The following DCAF11 variants were observed in gnomAD, a reference collection of about 807,000 sequenced individuals.
The protein encoded by DCAF11 is DDB1- and CUL4-associated factor 11.
Under a neutral mutation model 76.1 loss-of-function variants are expected in DCAF11, and 44 were observed. The ratio of observed to expected loss-of-function variants is 0.58; its 90% confidence interval spans 0.45 to 0.74. DCAF11 has a LOEUF of 0.74. Among genes scored for constraint, DCAF11 ranks in the 30% least tolerant of loss-of-function variants. The pLI is 0.00. For missense variants in DCAF11, 604 were observed against 709.4 expected (o/e 0.85, Z 1.69); for synonymous variants, 258 against 255.0 (o/e 1.01, Z -0.11).
intron 12 of DCAF11, 100 bp from the exon 13 acceptor site, chr14:24,121,265 G>T (rs2037685083): frequency 6.8e-7 from 1 of 1,473,600 alleles, no homozygotes; most frequent in African/African-American, 1.4e-5. Context: ...GATTGGAAAG[G>T]CATTTGTCTC....
In DCAF11 at chr14:24,124,587, T is replaced by G. The variant is rs773482590; in HGVS notation, c.*1278T>G. ...CAGGCTTTCACAGCAAGGGTACCTA[T>G]TTCATGGCAAAATAGGCAGTTTTAA... On this transcript the variant is annotated 3_prime_UTR_variant, in exon 15 of 15. Coordinates refer to ENST00000446197, the MANE Select transcript of DCAF11 (RefSeq NM_025230.5). The G allele has an allele frequency of 3.3e-5, 5 of 152,268 alleles. No individual in the cohort carries two copies. Among genetic ancestry groups the G allele is most frequent in the African/African-American group, 4.8e-5 (2 of 41,462 alleles). 9.4% of individuals were successfully genotyped at this position (152,268 alleles called of 1,614,324 possible). A position where few individuals can be genotyped will look rare whatever the true frequency, so the allele number is the denominator to read the frequency against.
chr14:24,115,839 T>C (rs2037541553), intron 2 of DCAF11, 90 bp downstream of exon 2: 18 of 1,500,408 alleles, frequency 1.2e-5, no homozygotes, highest in Middle Eastern at 1.8e-4. Flanking sequence ...GGTTAGGAAA[T>C]GGGATTCGCT....
Position 24,121,449 on chromosome 14 carries a change from G to A in DCAF11, c.1331G>A (p.Arg444Gln), listed in dbSNP as rs1188300710. ...GTGCTGCACACCCTCATCCGCTGCCGGTTCTCCCCCATTCATAGCACTGGC... is the reference window on the plus strand; with the variant it reads ...GTGCTGCACACCCTCATCCGCTGCCAGTTCTCCCCCATTCATAGCACTGGC... ...HGVLHTLIRC[R>Q]FSPIHSTGQQ... The change falls in exon 13 of 15, where the codon CGG (arginine) becomes CAG (glutamine). Residue 444 changes from arginine (R) to glutamine (Q), a missense_variant. Physicochemically the swap from Arg to Gln is conservative, Grantham distance 43. Transcript: ENST00000446197. The A allele has an allele frequency of 8.1e-6, 13 of 1,614,146 alleles. No individual in the cohort carries two copies. The highest frequency in any genetic ancestry group is 1.1e-5 in the South Asian group (1 of 91,078).
chr14:24,115,267 C>G lies in DCAF11; in HGVS notation c.-240C>G. On this transcript the variant is annotated 5_prime_UTR_variant, in exon 1 of 15. Coordinates refer to ENST00000446197, the MANE Select transcript of DCAF11 (RefSeq NM_025230.5). The stretch of plus-strand genomic sequence containing the variant: ...ATCCAACACCGCCCAACACCCCTCC[C>G]GCTCCCCAGTCCGGGGACTTCGATA... The G allele has an allele frequency of 4.6e-6, 1 of 215,148 alleles. No individual in the cohort carries two copies. Among genetic ancestry groups the G allele is most frequent in the South Asian group, 1.1e-4 (1 of 9,292 alleles). 13.3% of individuals were successfully genotyped at this position (215,148 alleles called of 1,614,324 possible). A position where few individuals can be genotyped will look rare whatever the true frequency, so the allele number is the denominator to read the frequency against.
intron 13 of DCAF11, chr14:24,121,831 A>G (rs1366860033): frequency 1.7e-5 from 5 of 292,242 alleles, no homozygotes; most frequent in Non-Finnish European, 3.3e-5. Flanking sequence ...TGACACAGGA[A>G]GATGGTAGCA....
intron 5 of DCAF11, 31 bp from the exon 6 acceptor site, chr14:24,118,024 C>G: frequency 3.4e-6 from 5 of 1,460,654 alleles, no homozygotes; most frequent in Non-Finnish European, 4.8e-6. Flanking sequence ...CCTGAGCACC[C>G]CTCACCCTCA....
At chr14:24,118,866 C>G in intron 8 of DCAF11, 62 bp downstream of exon 8, 1 of 1,569,862 alleles carries the variant, frequency 6.4e-7, no homozygotes, top group Non-Finnish European at 8.8e-7. Context: ...TCTTTGGGAG[C>G]AAACCTCTTG....
At position 24,119,602 on chromosome 14, in the gene DCAF11, C is replaced by T. The variant is rs138449987; in HGVS notation, c.892C>T (p.Arg298Trp). 10 of 1,614,080 alleles carry T rather than the reference C, an allele frequency of 6.2e-6. No homozygotes were observed. In the Admixed American group the frequency reaches 8.3e-5, roughly 13 times the overall value. The change falls in exon 10 of 15, where the codon CGG becomes TGG. Residue 298 changes from arginine (R) to tryptophan (W), a missense_variant. Arg to Trp is a moderately radical substitution (Grantham distance 101). Coordinates refer to ENST00000446197, the MANE Select transcript of DCAF11 (RefSeq NM_025230.5). ...CLYVFDREQN[R>W]RTLQIESHED... ...GTATGTCTTTGACCGAGAACAGAAC[C>T]GGCGCACCCTTCAGGTATGGCTCCT...
At chr14:24,119,303 C>CT (rs1337463314) in intron 9 of DCAF11, 90 bp downstream of exon 9, 26 of 1,514,172 alleles carry the variant, frequency 1.7e-5, no homozygotes, top group Non-Finnish European at 2.3e-5. Flanking sequence ...GCACTGGCAG[C>CT]TGCAGAGAAC....
intron 9 of DCAF11, 139 bp downstream of exon 9, chr14:24,119,352 T>C: frequency 7.8e-7 from 1 of 1,287,064 alleles, no homozygotes; most frequent in East Asian, 2.3e-5. Flanking sequence ...TACAAGTTGC[T>C]TCACCCCTTG....
chr14:24,118,985 A>G (rs2037637969), intron 8 of DCAF11, 160 bp from the exon 9 acceptor site: 4 of 1,152,046 alleles, frequency 3.5e-6, no homozygotes, highest in Non-Finnish European at 5.1e-6. Flanking sequence ...AGATGGTTGC[A>G]GGATGATTTC....
At chr14:24,116,563 CAG>C (rs1336475855) in intron 2 of DCAF11, among the ~76,000 whole-genome samples, 1 of 152,126 alleles carries the variant, frequency 6.6e-6, no homozygotes, top group Non-Finnish European at 1.5e-5. Flanking sequence ...GGCAGAGGCT[CAG>C]AAGGAAATGC....
chr14:24,120,856 A>G lies in DCAF11; in HGVS notation c.1111A>G (p.Ile371Val). ...IDSKGDARYL[I>V]SNSKDQTIKL... is the part of the protein sequence containing the mutation. ...TTCATAGGGTGATGCCCGGTATCTGATCTCCAACTCTAAAGACCAGACCAT... is the reference window on the plus strand; with the variant it reads ...TTCATAGGGTGATGCCCGGTATCTGGTCTCCAACTCTAAAGACCAGACCAT... The change falls in exon 12 of 15, where the codon ATC (isoleucine) becomes GTC (valine). Residue 371 changes from isoleucine (I) to valine (V), a missense_variant. Coordinates refer to ENST00000446197, the MANE Select transcript of DCAF11 (RefSeq NM_025230.5). 7 of 1,614,140 alleles carry G rather than the reference A, an allele frequency of 4.3e-6. No individual in the cohort carries two copies. Among genetic ancestry groups the G allele is most frequent in the Non-Finnish European group, 5.9e-6 (7 of 1,180,020 alleles).
chr14:24,122,507 GAAAA>G (rs1411176030), intron 13 of DCAF11, among the ~76,000 whole-genome samples: 2 of 145,236 alleles, frequency 1.4e-5, no homozygotes, highest in Non-Finnish European at 3.0e-5. Flanking sequence ...AAAAAAAAAA[GAAAA>G]AGAAAAAAAA....
chr14:24,120,999 T>C lies in DCAF11; in HGVS notation c.1246+8T>C, dbSNP rs2037681209. 1.2e-5 allele frequency: 19 copies of C among 1,614,030 alleles called. No individual in the cohort carries two copies. Among genetic ancestry groups the C allele is most frequent in the Non-Finnish European group, 1.6e-5 (19 of 1,179,982 alleles). On this transcript the variant is annotated splice_region_variant and intron_variant, in intron 12 of 14. Transcript: ENST00000446197. ...AGCAAGTGCCCAAAAAAGGTGAGAC[T>C]GGAAGTACAGGCACAGTGGATTTGT...
chr14:24,118,797 G>C lies in DCAF11; in HGVS notation c.772G>C (p.Asp258His). Residue 258 changes from aspartate (D) to histidine (H), a missense_variant, in exon 8 of 15, where the codon GAT becomes CAT. Asp to His is a moderately conservative substitution (Grantham distance 81, BLOSUM62 -1). Transcript: ENST00000446197. ...TGAGGGAGATACACACACTGCCCTGGATCTCAGGTACTGGCTTCCCTTTCT... is the reference window on the plus strand; with the variant it reads ...TGAGGGAGATACACACACTGCCCTGCATCTCAGGTACTGGCTTCCCTTTCT... ...YGEGDTHTAL[D>H]LRPDERRFAV... The C allele has an allele frequency of 6.2e-7, 1 of 1,614,048 alleles. No individual in the cohort carries two copies. The highest frequency in any genetic ancestry group is 8.5e-7 in the Non-Finnish European group (1 of 1,180,008).
rs573946870 is a variant in DCAF11 at position 24,120,855 on chromosome 14, G to C, written c.1110G>C (p.Leu370=). 4 of 1,614,184 alleles carry C rather than the reference G, an allele frequency of 2.5e-6. No individual in the cohort carries two copies. The African/African-American group carries it at 5.3e-5, about 22-fold the overall frequency. The change falls in exon 12 of 15, where the codon CTG becomes CTC. Residue 370 remains leucine, a synonymous_variant. Coordinates refer to ENST00000446197, the MANE Select transcript of DCAF11 (RefSeq NM_025230.5). ...FIDSKGDARY[L]ISNSKDQTIK... is the part of the protein sequence containing the mutation. Reference sequence around the variant, plus strand: ...ATTCATAGGGTGATGCCCGGTATCTGATCTCCAACTCTAAAGACCAGACCA... The same window carrying C: ...ATTCATAGGGTGATGCCCGGTATCTCATCTCCAACTCTAAAGACCAGACCA...
rs1428859190 is a variant in DCAF11, at chr14:24,121,462, T to C, written c.1344T>C (p.Ile448=). The C allele has an allele frequency of 3.7e-6, 6 of 1,614,128 alleles. No individual in the cohort carries two copies. The highest frequency in any genetic ancestry group is 2.5e-6 in the Non-Finnish European group (3 of 1,180,026). ...TCATCCGCTGCCGGTTCTCCCCCAT[T>C]CATAGCACTGGCCAGCAGTTCATCT... ...HTLIRCRFSP[I]HSTGQQFIYS... is the part of the protein sequence containing the mutation. The change falls in exon 13 of 15, where the codon ATT becomes ATC. Residue 448 remains isoleucine, a synonymous_variant. Coordinates refer to ENST00000446197, the MANE Select transcript of DCAF11 (RefSeq NM_025230.5).
At chr14:24,115,845 T>A in intron 2 of DCAF11, 96 bp downstream of exon 2, 1 of 1,480,152 alleles carries the variant, frequency 6.8e-7, no homozygotes, top group South Asian at 1.3e-5. Flanking sequence ...GAAATGGGAT[T>A]CGCTCAGGAC....
Sources: gnomAD v4.1 joint callset for allele counts (sites outside exome capture counted in the v4.1 genomes callset) on GRCh38, gnomAD v4.1.1 for gene constraint, MANE v1.5 for transcripts, NCBI Gene and HGNC (gene_info 2026-07-23, HGNC 2026-07-21) for gene names.